Variants in CD2AP observed in about 807,000 individuals in gnomAD.
CD2AP encodes CD2 associated protein, also known as CD2-associated protein.
A neutral mutation model predicts 85.1 loss-of-function variants in CD2AP; 46 were observed. That is an observed-to-expected ratio of 0.54 (90% CI 0.43 to 0.69). CD2AP has a LOEUF of 0.69. Ranked by LOEUF, CD2AP falls within the 30% of genes least tolerant of loss-of-function variation. The pLI is 0.00. For synonymous variants in CD2AP, 255 were observed against 252.9 expected (o/e 1.01, Z -0.08); for missense variants, 769 against 729.5 (o/e 1.05, Z -0.62).
At chr6:47,521,980 A>C (rs1464039450) in intron 2 of CD2AP, among the ~76,000 whole-genome samples, 2 of 151,966 alleles carry the variant, frequency 1.3e-5, no homozygotes, top group East Asian at 3.9e-4. Flanking sequence ...ATGCCATTGC[A>C]CTCTAGCCTG....
intron 3 of CD2AP, among the ~76,000 whole-genome samples, chr6:47,541,078 AACTCTAGGTT>A (rs1460560247): frequency 6.6e-6 from 1 of 152,182 alleles, no homozygotes; most frequent in Non-Finnish European, 1.5e-5. Context: ...TTTTACTGTG[AACTCTAGGTT>A]AGTTAAAAAA....
At chr6:47,592,879 A>G (rs987007445) in intron 11 of CD2AP, among the ~76,000 whole-genome samples, 3 of 152,128 alleles carry the variant, frequency 2.0e-5, no homozygotes, top group African/African-American at 7.2e-5. Context: ...ACAGTGAGTA[A>G]AGTGCCTTCC....
chr6:47,616,932 C>G (rs1319585703), intron 17 of CD2AP, among the ~76,000 whole-genome samples: 1 of 152,104 alleles, frequency 6.6e-6, no homozygotes, highest in Non-Finnish European at 1.5e-5. Flanking sequence ...CCTATTGTCT[C>G]TAACTTCTCC....
chr6:47,499,606 C>T, intron 1 of CD2AP, among the ~76,000 whole-genome samples: 1 of 152,158 alleles, frequency 6.6e-6, no homozygotes, highest in Non-Finnish European at 1.5e-5. Context: ...CTTACCCTTT[C>T]TCCTGGTAGT....
At chr6:47,519,569 C>T (rs1217513426) in intron 2 of CD2AP, among the ~76,000 whole-genome samples, 2 of 152,150 alleles carry the variant, frequency 1.3e-5, no homozygotes, top group Admixed American at 1.3e-4. Flanking sequence ...TGAGTTTCTT[C>T]CTGTGTCAAA....
chr6:47,503,646 G>C (rs1766056364), intron 2 of CD2AP, among the ~76,000 whole-genome samples: 1 of 152,146 alleles, frequency 6.6e-6, no homozygotes, highest in Admixed American at 6.5e-5. Flanking sequence ...GTATGTGTTT[G>C]TGTATATATG....
intron 2 of CD2AP, among the ~76,000 whole-genome samples, chr6:47,529,684 A>G (rs1766820757): frequency 6.6e-6 from 1 of 152,236 alleles, no homozygotes. Flanking sequence ...ACCCAGAGGT[A>G]TGCCACAGGA....
At chr6:47,619,585 G>T (rs1769691874) in intron 17 of CD2AP, among the ~76,000 whole-genome samples, 1 of 152,196 alleles carries the variant, frequency 6.6e-6, no homozygotes, top group Non-Finnish European at 1.5e-5. Context: ...TAGATACCCA[G>T]TAGTGGGATT....
chr6:47,503,485 T>C, intron 2 of CD2AP, 45 bp downstream of exon 2: 1 of 1,480,692 alleles, frequency 6.8e-7, no homozygotes, highest in Non-Finnish European at 9.4e-7. Flanking sequence ...TCATAGGATT[T>C]AATCTTTAAA....
At chr6:47,549,407 C>T (rs972661479) in intron 4 of CD2AP, among the ~76,000 whole-genome samples, 10 of 143,620 alleles carry the variant, frequency 7.0e-5, no homozygotes, top group African/African-American at 2.1e-4. Context: ...TATATACCAA[C>T]AGCAGTCATG....
At chr6:47,607,019 T>C (rs759967318) in intron 14 of CD2AP, among the ~76,000 whole-genome samples, 22 of 152,100 alleles carry the variant, frequency 1.4e-4, no homozygotes, top group Non-Finnish European at 2.7e-4. Context: ...CTATCTCCAT[T>C]AGTTCAGTTG....
At chr6:47,554,461 ATGAG>A (rs1767620840) in intron 4 of CD2AP, among the ~76,000 whole-genome samples, 181 bp from the exon 5 acceptor site, 1 of 152,234 alleles carries the variant, frequency 6.6e-6, no homozygotes, top group Non-Finnish European at 1.5e-5. Flanking sequence ...AATCCCATAT[ATGAG>A]TAATACACTA....
At chr6:47,556,039 A>G (rs1221105830) in intron 5 of CD2AP, among the ~76,000 whole-genome samples, 1 of 143,906 alleles carries the variant, frequency 6.9e-6, no homozygotes, top group Non-Finnish European at 1.5e-5. Flanking sequence ...AAAGAATGCA[A>G]TTTTTTTTTC....
chr6:47,523,189 A>G (rs943867534), intron 2 of CD2AP, among the ~76,000 whole-genome samples: 1 of 152,132 alleles, frequency 6.6e-6, no homozygotes, highest in Admixed American at 6.5e-5. Flanking sequence ...AGCTAGCTTT[A>G]TAATAGTTCA....
At chr6:47,546,231 T>C (rs1165844121) in intron 4 of CD2AP, among the ~76,000 whole-genome samples, 1 of 151,840 alleles carries the variant, frequency 6.6e-6, no homozygotes, top group Non-Finnish European at 1.5e-5. Context: ...GTTTCAGCAA[T>C]AGAATTGAAC....
intron 16 of CD2AP, among the ~76,000 whole-genome samples, chr6:47,609,804 AG>A (rs1769380790): frequency 6.6e-6 from 1 of 152,148 alleles, no homozygotes. Flanking sequence ...TTATTCTAGT[AG>A]CTGGATTGTG....
chr6:47,531,213 ACAC>A lies in CD2AP; in HGVS notation c.166-2386_166-2384del, dbSNP rs572704945. 5.9e-5 allele frequency among the ~76,000 whole-genome samples: 9 copies of A among 152,308 alleles called. No individual in the cohort carries two copies. In the East Asian group the frequency reaches 1.5e-3, roughly 26 times the overall value. ...TTCCGAAACTTTCTTGGTTTACACA[ACAC>A]CATTATTGTCTCAGTCCTTATTTCA... On this transcript the variant is annotated intron_variant, in intron 2 of 17. Transcript: ENST00000359314.
In CD2AP at chr6:47,625,607, C is replaced by T. The variant is rs1460174515; in HGVS notation, c.*1380C>T. 1.3e-5 allele frequency: 2 copies of T among 151,672 alleles called. No individual in the cohort carries two copies. Among genetic ancestry groups the T allele is most frequent in the East Asian group, 3.8e-4 (2 of 5,196 alleles). 9.4% of individuals were successfully genotyped at this position (151,672 alleles called of 1,614,324 possible). A position where few individuals can be genotyped will look rare whatever the true frequency, so the allele number is the denominator to read the frequency against. ...AATTGTTTTATGCTTTATTATATCGCAAATGAGTGTCAGATTTTTGAGTAC... is the reference window on the plus strand; with the variant it reads ...AATTGTTTTATGCTTTATTATATCGTAAATGAGTGTCAGATTTTTGAGTAC... On this transcript the variant is annotated 3_prime_UTR_variant, in exon 18 of 18. Coordinates refer to ENST00000359314, the MANE Select transcript of CD2AP (RefSeq NM_012120.3).
intron 2 of CD2AP, among the ~76,000 whole-genome samples, chr6:47,505,011 C>CTTTTTTTTGT (rs1766095661): frequency 1.1e-5 from 1 of 95,138 alleles, no homozygotes; most frequent in Non-Finnish European, 1.9e-5. Context: ...GTGGCAGTTT[C>CTTTTTTTTGT]TTTTTTTTTT....
Sources: gnomAD v4.1 joint callset for allele counts (sites outside exome capture counted in the v4.1 genomes callset) on GRCh38, gnomAD v4.1.1 for gene constraint, MANE v1.5 for transcripts, NCBI Gene and HGNC (gene_info 2026-07-23, HGNC 2026-07-21) for gene names.